The following RABGEF1 variants were observed in gnomAD, a reference collection of about 807,000 sequenced individuals.
The protein encoded by RABGEF1 is RAB guanine nucleotide exchange factor 1.
A neutral mutation model predicts 57.3 loss-of-function variants in RABGEF1; 26 were observed. The ratio of observed to expected loss-of-function variants is 0.45; its 90% CI spans 0.33 to 0.63. The LOEUF (loss-of-function observed/expected upper bound fraction) is 0.63. RABGEF1 is among the 20% of genes least tolerant of loss of function. The probability of loss-of-function intolerance (pLI) is 0.02; values close to 1 mark genes in which losing one functional copy is unlikely to be tolerated. For synonymous variants in RABGEF1, 185 were observed against 210.7 expected (o/e 0.88, Z 1.06); for missense variants, 464 against 607.6 (o/e 0.76, Z 2.48).
intron 1 of RABGEF1, among the ~76,000 whole-genome samples, chr7:66,685,730 G>A (rs1369765519): frequency 6.6e-6 from 1 of 152,144 alleles, no homozygotes; most frequent in Non-Finnish European, 1.5e-5. Context: ...AATGTTACCA[G>A]TACTTACTCA....
chr7:66,697,991 G>C (rs1792610581), intron 1 of RABGEF1, among the ~76,000 whole-genome samples: 1 of 152,062 alleles, frequency 6.6e-6, no homozygotes, highest in Non-Finnish European at 1.5e-5. Context: ...GGCTGGGCCA[G>C]GAGTTTGAAG....
chr7:66,778,097 GC>G (rs1808972283), intron 3 of RABGEF1, among the ~76,000 whole-genome samples: 3 of 152,086 alleles, frequency 2.0e-5, no homozygotes, highest in Admixed American at 1.3e-4. Context: ...CTTTTGTTTG[GC>G]CATTGTGTTT....
At chr7:66,767,556 C>T (rs903576113) in intron 1 of RABGEF1, among the ~76,000 whole-genome samples, 10 of 152,166 alleles carry the variant, frequency 6.6e-5, no homozygotes, top group Non-Finnish European at 1.0e-4. Context: ...TTGTCTGTCC[C>T]CCAAATTCAT....
At position 66,809,060 on chromosome 7, in the gene RABGEF1, T is replaced by G; in HGVS notation, c.1252T>G (p.Ser418Ala). Residue 418 changes from serine to alanine, a missense_variant, in exon 9 of 9, where the codon TCT becomes GCT. Transcript: ENST00000284957. ...AATGTATAAGAACTTGGATCTCTTG[T>G]CTCAGTTGAATGAACGACAAGAAAG... ...KQMYKNLDLLSQLNERQERIM... is the reference protein window; with the variant it reads ...KQMYKNLDLLAQLNERQERIM... 1.9e-6 allele frequency: 3 copies of G among 1,614,136 alleles called. No individual in the cohort carries two copies. Among genetic ancestry groups the G allele is most frequent in the Non-Finnish European group, 2.5e-6 (3 of 1,180,032 alleles).
intron 7 of RABGEF1, among the ~76,000 whole-genome samples, chr7:66,804,402 T>C (rs62464654): frequency 0.039 from 5,992 of 152,256 alleles, 165 homozygotes; most frequent in East Asian, 0.086. Context: ...AACTTCTTCC[T>C]TCTCCATGGA....
chr7:66,746,618 CTT>C (rs1206614304), intron 1 of RABGEF1, among the ~76,000 whole-genome samples: 2,082 of 92,078 alleles, frequency 0.023, 5 homozygotes, highest in Middle Eastern at 0.042. Context: ...ATAATATAAC[CTT>C]TTTTTTTTTT....
chr7:66,780,255 A>AC (rs11428517), intron 3 of RABGEF1, among the ~76,000 whole-genome samples: 5,998 of 152,222 alleles, frequency 0.039, 165 homozygotes, highest in East Asian at 0.085. Flanking sequence ...GTCAGTTGTT[A>AC]ATAGTCAACA....
At chr7:66,798,546 C>T (rs1054207238) in intron 6 of RABGEF1, among the ~76,000 whole-genome samples, 1 of 152,152 alleles carries the variant, frequency 6.6e-6, no homozygotes, top group Non-Finnish European at 1.5e-5. Flanking sequence ...AGTAACCAAG[C>T]AAGAGGGCAG....
At chr7:66,659,609 A>C in the RABGEF1 span, among the ~76,000 whole-genome samples, 1 of 151,802 alleles carries the variant, frequency 6.6e-6, no homozygotes, top group Admixed American at 6.6e-5. Context: ...GTGAAACCCC[A>C]CCTCTACCTA....
chr7:66,658,533 CAAAAAA>C, the RABGEF1 span, among the ~76,000 whole-genome samples: 4 of 75,558 alleles, frequency 5.3e-5, no homozygotes, highest in Admixed American at 4.1e-4. Context: ...ACTTCGTCTC[CAAAAAA>C]AAAAAAAAAA....
chr7:66,672,762 A>G, the RABGEF1 span, among the ~76,000 whole-genome samples: 2 of 152,230 alleles, frequency 1.3e-5, no homozygotes, highest in African/African-American at 4.8e-5. Flanking sequence ...GATTGCCCAC[A>G]TTGTGGGAAA....
At chr7:66,762,724 G>C (rs1208091821) in intron 1 of RABGEF1, among the ~76,000 whole-genome samples, 1 of 152,014 alleles carries the variant, frequency 6.6e-6, no homozygotes, top group Non-Finnish European at 1.5e-5. Context: ...TGCCACCCCC[G>C]TCCCCCAAAA....
At chr7:66,659,676 A>G in the RABGEF1 span, among the ~76,000 whole-genome samples, 1 of 151,488 alleles carries the variant, frequency 6.6e-6, no homozygotes, top group Non-Finnish European at 1.5e-5. Flanking sequence ...GCTACTTGGG[A>G]GGCTGAGGTG....
chr7:66,805,034 G>A (rs1010216286), intron 7 of RABGEF1, 106 bp from the exon 8 acceptor site: 1 of 1,276,800 alleles, frequency 7.8e-7, no homozygotes, highest in Non-Finnish European at 1.1e-6. Context: ...TGGAAAAGGG[G>A]TTAATAAGGA....
intron 4 of RABGEF1, 105 bp from the exon 5 acceptor site, chr7:66,795,406 C>A: frequency 1.1e-6 from 1 of 881,038 alleles, no homozygotes; most frequent in Non-Finnish European, 1.9e-6. Context: ...TACTTTTAGG[C>A]TTACTACCAG....
chr7:66,776,986 A>G lies in RABGEF1; in HGVS notation c.346+1593A>G, dbSNP rs140392476. Among the ~76,000 whole-genome samples, 15 of 152,318 alleles carry G rather than the reference A, an allele frequency of 9.8e-5. No individual in the cohort carries two copies. In the South Asian group the frequency reaches 2.3e-3, roughly 23 times the overall value. ...CGAGTCCTGTCCACACTGAGGGACA[A>G]TAATACCTACCAGAGGCACGTGATG... On this transcript the variant is annotated intron_variant, in intron 3 of 8. Transcript: ENST00000284957.
chr7:66,791,334 C>T (rs1247478096), intron 4 of RABGEF1, among the ~76,000 whole-genome samples: 1 of 152,178 alleles, frequency 6.6e-6, no homozygotes, highest in Admixed American at 6.5e-5. Flanking sequence ...CTAATGACCT[C>T]AAGATATACT....
intron 4 of RABGEF1, among the ~76,000 whole-genome samples, chr7:66,791,248 G>A (rs1380189184): frequency 6.6e-6 from 1 of 152,096 alleles, no homozygotes; most frequent in Non-Finnish European, 1.5e-5. Flanking sequence ...GCCAGTAATT[G>A]AATTTGACAC....
intron 1 of RABGEF1, among the ~76,000 whole-genome samples, chr7:66,695,450 G>T (rs903074723): frequency 2.0e-5 from 3 of 152,180 alleles, no homozygotes; most frequent in African/African-American, 7.2e-5. Context: ...GGGCTTTGAC[G>T]CAAGAGGTTC....
Sources: gnomAD v4.1 joint callset for allele counts (sites outside exome capture counted in the v4.1 genomes callset) on GRCh38, gnomAD v4.1.1 for gene constraint, MANE v1.5 for transcripts, NCBI Gene and HGNC (gene_info 2026-07-23, HGNC 2026-07-21) for gene names.